Variants in FDX1 observed in about 807,000 individuals in gnomAD.
FDX1 encodes the protein adrenodoxin, mitochondrial.
Under a neutral mutation model 14.9 loss-of-function variants are expected in FDX1, and 9 were observed. The ratio of observed to expected loss-of-function variants is 0.60; its 90% CI spans 0.36 to 1.05. The LOEUF is 1.05. FDX1 is among the 50% of genes least tolerant of loss of function. The pLI, the probability that FDX1 is intolerant of heterozygous loss-of-function variation, is 0.01. For missense variants in FDX1, 204 were observed against 237.2 expected (o/e 0.86, Z 0.92); for synonymous variants, 92 against 99.4 (o/e 0.93, Z 0.44).
intron 3 of FDX1, among the ~76,000 whole-genome samples, chr11:110,457,465 G>C (rs1946529588): frequency 6.6e-6 from 1 of 152,080 alleles, no homozygotes; most frequent in Non-Finnish European, 1.5e-5. Flanking sequence ...ATGTTAAAAT[G>C]AATAGCTCTT....
At chr11:110,460,767 C>T (rs978568891) in intron 3 of FDX1, among the ~76,000 whole-genome samples, 5 of 152,232 alleles carry the variant, frequency 3.3e-5, no homozygotes, top group African/African-American at 1.2e-4. Context: ...GGTTAGGAAA[C>T]TACCATTTGG....
chr11:110,436,019 T>G, intron 2 of FDX1, 61 bp downstream of exon 2: 2 of 1,497,176 alleles, frequency 1.3e-6, no homozygotes, highest in Non-Finnish European at 1.8e-6. Context: ...AATTTTTATT[T>G]TGTGGTTTTT....
rs77658854 is a variant in FDX1 at position 110,451,398 on chromosome 11, T to C, written c.311-5520T>C. On this transcript the variant is annotated intron_variant, in intron 2 of 3. Coordinates refer to ENST00000260270, the MANE Select transcript of FDX1 (RefSeq NM_004109.5). ...ACTTTTTTAAAGAGACAGGGTCTCA[T>C]GCCAGTCAGAATGGTGATTATTAAA... is the stretch of plus-strand genomic sequence containing the variant. 9.3e-3 allele frequency among the ~76,000 whole-genome samples: 1,415 copies of C among 152,248 alleles called. 21 individuals carry two copies. The highest frequency in any genetic ancestry group is 0.032 in the African/African-American group (1,346 of 41,548).
At chr11:110,450,859 G>C (rs76031032) in intron 2 of FDX1, among the ~76,000 whole-genome samples, 1 of 151,984 alleles carries the variant, frequency 6.6e-6, no homozygotes, top group East Asian at 1.9e-4. Context: ...CATTTTCCCT[G>C]TTCATTTACT....
Position 110,429,999 on chromosome 11 carries a change from CCCGCGCCCCTCG to C in FDX1, c.-116_-105del. The C allele has an allele frequency of 1.6e-6, 1 of 627,848 alleles. No homozygotes were observed. Among genetic ancestry groups the C allele is most frequent in the Middle Eastern group, 5.3e-4 (1 of 1,880 alleles). The allele number at this position is 627,848 out of a possible 1,614,324, so 38.9% of individuals were successfully genotyped here. A position where few individuals can be genotyped will look rare whatever the true frequency, so the allele number is the denominator to read the frequency against. On this transcript the variant is annotated 5_prime_UTR_variant, in exon 1 of 4. Coordinates refer to ENST00000260270, the MANE Select transcript of FDX1 (RefSeq NM_004109.5). ...AGCAGGGTCTCTCCGCCACTCCAGC[CCCGCGCCCCTCG>C]CCGCGGCCCTCGGGCGTCTGCGCCG...
intron 3 of FDX1, among the ~76,000 whole-genome samples, chr11:110,457,579 T>C (rs953108665): frequency 2.0e-5 from 3 of 152,184 alleles, no homozygotes; most frequent in African/African-American, 7.2e-5. Flanking sequence ...TCAAGTGATA[T>C]CTTATTTTTT....
intron 2 of FDX1, among the ~76,000 whole-genome samples, chr11:110,437,734 A>G (rs181470104): frequency 1.2e-3 from 186 of 152,314 alleles, no homozygotes; most frequent in Middle Eastern, 3.4e-3. Context: ...AGTATGAGTG[A>G]TCCTGTCACC....
chr11:110,442,025 G>C (rs1432330861), intron 2 of FDX1, among the ~76,000 whole-genome samples: 1 of 152,226 alleles, frequency 6.6e-6, no homozygotes, highest in African/African-American at 2.4e-5. Context: ...GCTTCAGAGT[G>C]TGCAAACCTC....
intron 1 of FDX1, among the ~76,000 whole-genome samples, chr11:110,434,964 A>C (rs745860655): frequency 2.0e-4 from 30 of 152,078 alleles, no homozygotes; most frequent in Non-Finnish European, 4.1e-4. Context: ...TGTGTTGCTC[A>C]GGCTGGTCTC....
intron 2 of FDX1, among the ~76,000 whole-genome samples, chr11:110,442,707 C>G (rs544197203): frequency 1.4e-4 from 22 of 152,272 alleles, no homozygotes; most frequent in Admixed American, 1.2e-3. Flanking sequence ...AGACTTTGGA[C>G]TGTGGACTTT....
rs755441890 is a variant in FDX1 at position 110,461,750 on chromosome 11, A to G, written c.441-604A>G. On this transcript the variant is annotated intron_variant, in intron 3 of 3. Transcript: ENST00000260270. ...AAGTTGAAGAGACCCCTGTATGAAT[A>G]TTGTCACCAAATCTGTAGCTGTGAC... is the stretch of plus-strand genomic sequence containing the variant. Among the ~76,000 whole-genome samples the G allele has an allele frequency of 2.4e-4, 36 of 152,308 alleles. 1 individual carries two copies. Among genetic ancestry groups the G allele is most frequent in the South Asian group, 1.0e-3 (5 of 4,826 alleles).
chr11:110,430,041 TGCC>T lies in FDX1; in HGVS notation c.-76_-74del. On this transcript the variant is annotated 5_prime_UTR_variant, in exon 1 of 4. Coordinates refer to ENST00000260270, the MANE Select transcript of FDX1 (RefSeq NM_004109.5). ...GGCCCTCGGGCGTCTGCGCCGCAGC[TGCC>T]GCCCCCGCCTCTTTGGAGTCTCTCG... The T allele has an allele frequency of 1.9e-6, 2 of 1,055,426 alleles. No homozygotes were observed. Among genetic ancestry groups the T allele is most frequent in the Non-Finnish European group, 2.4e-6 (2 of 836,332 alleles). 65.4% of individuals were successfully genotyped at this position (1,055,426 alleles called of 1,614,324 possible).
Position 110,443,183 on chromosome 11 carries a change from T to C in FDX1, c.310+7225T>C, listed in dbSNP as rs148146100. Among the ~76,000 whole-genome samples, 46 of 152,298 alleles carry C rather than the reference T, an allele frequency of 3.0e-4. 1 individual carries two copies. Among genetic ancestry groups the C allele is most frequent in the African/African-American group, 1.0e-3 (43 of 41,570 alleles). ...TGGACTAATACAATTGGTTACATAG[T>C]TGAAGACACAAAACTGTGGCAGTGT... On this transcript the variant is annotated intron_variant, in intron 2 of 3. Coordinates refer to ENST00000260270, the MANE Select transcript of FDX1 (RefSeq NM_004109.5).
At chr11:110,452,209 A>G (rs1946491026) in intron 2 of FDX1, among the ~76,000 whole-genome samples, 1 of 151,938 alleles carries the variant, frequency 6.6e-6, no homozygotes. Flanking sequence ...GAATTTATAT[A>G]TAAATTCTTA....
At chr11:110,432,824 A>G (rs565346693) in intron 1 of FDX1, among the ~76,000 whole-genome samples, 5 of 152,086 alleles carry the variant, frequency 3.3e-5, no homozygotes, top group African/African-American at 1.2e-4. Flanking sequence ...TAAGAATTAC[A>G]TTTTTCTTTC....
rs190373141 is a variant in FDX1, at chr11:110,462,758, A to G, written c.*290A>G. ...TTAGCGACTTTAGCAAAATGTTTTC[A>G]TATAATCTCATCTGTTTACCTAGAA... On this transcript the variant is annotated 3_prime_UTR_variant, in exon 4 of 4. Coordinates refer to ENST00000260270, the MANE Select transcript of FDX1 (RefSeq NM_004109.5). 2.6e-5 allele frequency: 6 copies of G among 230,428 alleles called. No individual in the cohort carries two copies. The East Asian group carries it at 4.0e-4, about 15-fold the overall frequency. The allele number at this position is 230,428 out of a possible 1,614,324, so 14.3% of individuals were successfully genotyped here.
At chr11:110,461,724 T>C (rs754228145) in intron 3 of FDX1, among the ~76,000 whole-genome samples, 4 of 152,194 alleles carry the variant, frequency 2.6e-5, no homozygotes, top group African/African-American at 7.2e-5. Flanking sequence ...TTTGCATAAC[T>C]AAGTTGAAGA....
rs897883141 is a variant in FDX1 at position 110,464,151 on chromosome 11, G to T, written c.*1683G>T. 1 of 152,112 alleles carries T rather than the reference G, an allele frequency of 6.6e-6. No homozygotes were observed. The highest frequency in any genetic ancestry group is 1.5e-5 in the Non-Finnish European group (1 of 68,044). 9.4% of individuals were successfully genotyped at this position (152,112 alleles called of 1,614,324 possible). A position where few individuals can be genotyped will look rare whatever the true frequency, so the allele number is the denominator to read the frequency against. ...TGGTCTTGAACTTTTGAGCTCGAGT[G>T]ATCCACCCACCTCAGCCTCCCAAAA... On this transcript the variant is annotated 3_prime_UTR_variant, in exon 4 of 4. Transcript: ENST00000260270.
intron 3 of FDX1, among the ~76,000 whole-genome samples, chr11:110,458,231 C>T (rs1375118159): frequency 6.6e-6 from 1 of 152,144 alleles, no homozygotes; most frequent in Non-Finnish European, 1.5e-5. Context: ...GGGAGAGCTA[C>T]AGTTAGATAC....
Sources: gnomAD v4.1 joint callset for allele counts (sites outside exome capture counted in the v4.1 genomes callset) on GRCh38, gnomAD v4.1.1 for gene constraint, MANE v1.5 for transcripts, NCBI Gene and HGNC (gene_info 2026-07-23, HGNC 2026-07-21) for gene names.